The following UIMC1 variants were observed in gnomAD, a reference collection of about 807,000 sequenced individuals.
UIMC1 encodes the protein ubiquitin interaction motif containing 1.
In UIMC1, 42 loss-of-function variants were observed where a neutral mutation model predicts 84.9. The observed-to-expected ratio is 0.49, with a 90% CI of 0.39 to 0.64. The LOEUF is 0.64. Ranked by LOEUF, UIMC1 falls within the 30% of genes least tolerant of loss-of-function variation. The probability of loss-of-function intolerance (pLI) is 0.00; values close to 1 mark genes in which losing one functional copy is unlikely to be tolerated. For synonymous variants in UIMC1, 281 were observed against 293.0 expected (o/e 0.96, Z 0.42); for missense variants, 825 against 847.6 (o/e 0.97, Z 0.33).
At chr5:176,926,933 A>C (rs1202034216) in intron 10 of UIMC1, among the ~76,000 whole-genome samples, 1 of 152,182 alleles carries the variant, frequency 6.6e-6, no homozygotes, top group East Asian at 1.9e-4. Flanking sequence ...AATGATTTTG[A>C]GCAAGTTACT....
intron 1 of UIMC1, among the ~76,000 whole-genome samples, chr5:176,999,584 C>A (rs956375782): frequency 2.6e-5 from 4 of 151,780 alleles, no homozygotes; most frequent in Non-Finnish European, 5.9e-5. Flanking sequence ...TAGTAACCAT[C>A]CTTCTACTAT....
Position 176,941,767 on chromosome 5 carries a change from T to C in UIMC1, c.1597+1568A>G, listed in dbSNP as rs75171645. 4.1e-3 allele frequency among the ~76,000 whole-genome samples: 625 copies of C among 151,956 alleles called. 5 individuals are homozygous for C. Among genetic ancestry groups the C allele is most frequent in the African/African-American group, 0.014 (581 of 41,408 alleles). ...AATCATAAACAGGCCAAATCAGAGGTGGTATTTCAAGGGCTGTGATTAACA... is the reference window on the plus strand; with the variant it reads ...AATCATAAACAGGCCAAATCAGAGGCGGTATTTCAAGGGCTGTGATTAACA... On this transcript the variant is annotated intron_variant, in intron 10 of 14. Transcript: ENST00000511320.
At chr5:176,942,431 G>A (rs1299571867) in intron 10 of UIMC1, among the ~76,000 whole-genome samples, 1 of 152,126 alleles carries the variant, frequency 6.6e-6, no homozygotes, top group African/African-American at 2.4e-5. Flanking sequence ...AAAAGAATAA[G>A]TTAATACGTT....
chr5:177,000,539 TGC>T (rs1774303369), intron 1 of UIMC1, among the ~76,000 whole-genome samples: 1 of 147,816 alleles, frequency 6.8e-6, no homozygotes. Context: ...TCATTCTTAT[TGC>T]CCAGGCTGGA....
intron 13 of UIMC1, among the ~76,000 whole-genome samples, chr5:176,906,846 C>T (rs1759451958): frequency 1.3e-5 from 2 of 152,178 alleles, no homozygotes; most frequent in Admixed American, 1.3e-4. Context: ...GTCGTATTCC[C>T]CTGTGTTTTG....
Position 176,971,656 on chromosome 5 carries a change from C to G in UIMC1, c.233-790G>C, listed in dbSNP as rs572042480. 2.0e-5 allele frequency among the ~76,000 whole-genome samples: 3 copies of G among 152,254 alleles called. No individual in the cohort carries two copies. In the East Asian group the frequency reaches 5.8e-4, roughly 29 times the overall value. On this transcript the variant is annotated intron_variant, in intron 3 of 14. Transcript: ENST00000511320. ...AGGCGTGGTGGCTCACGCCTGTAAT[C>G]CCACCACTGTGGGAGGCCAAGGTGG... is the stretch of plus-strand genomic sequence containing the variant.
intron 1 of UIMC1, among the ~76,000 whole-genome samples, chr5:177,018,966 C>T (rs1334523627): frequency 1.3e-5 from 2 of 152,168 alleles, no homozygotes; most frequent in Non-Finnish European, 2.9e-5. Flanking sequence ...TCCCCTGTAT[C>T]CCTTGGATTA....
chr5:177,004,055 C>T (rs1035408572), intron 1 of UIMC1, among the ~76,000 whole-genome samples: 1 of 152,136 alleles, frequency 6.6e-6, no homozygotes, highest in Non-Finnish European at 1.5e-5. Flanking sequence ...GTCTTGAGCT[C>T]CTGGGTGCAA....
chr5:176,997,466 C>A (rs1300044444), intron 1 of UIMC1, among the ~76,000 whole-genome samples: 1 of 152,044 alleles, frequency 6.6e-6, no homozygotes, highest in Non-Finnish European at 1.5e-5. Context: ...AGGCGGATCA[C>A]AAGGTCAGGA....
intron 1 of UIMC1, among the ~76,000 whole-genome samples, chr5:176,984,474 G>A (rs1444282583): frequency 3.4e-5 from 5 of 145,136 alleles, no homozygotes; most frequent in East Asian, 2.1e-4. Flanking sequence ...TGTGAGGAGC[G>A]CCTCTGCCTG....
At chr5:176,925,839 A>G (rs528264764) in intron 10 of UIMC1, among the ~76,000 whole-genome samples, 2 of 152,206 alleles carry the variant, frequency 1.3e-5, no homozygotes, top group South Asian at 2.1e-4. Flanking sequence ...GTATACGCAT[A>G]TGCCCAAACT....
intron 9 of UIMC1, among the ~76,000 whole-genome samples, chr5:176,950,650 A>T (rs1765755419): frequency 6.6e-6 from 1 of 151,934 alleles, no homozygotes; most frequent in African/African-American, 2.4e-5. Flanking sequence ...TGGGCAGATC[A>T]CTTGAGGTCA....
At chr5:176,910,426 A>AT (rs1200774575) in intron 11 of UIMC1, among the ~76,000 whole-genome samples, 4 of 152,260 alleles carry the variant, frequency 2.6e-5, no homozygotes, top group Admixed American at 1.3e-4. Context: ...AGGGGATCTT[A>AT]TGAGTCAGGC....
intron 1 of UIMC1, among the ~76,000 whole-genome samples, chr5:177,019,155 C>G (rs948850888): frequency 2.6e-5 from 4 of 152,158 alleles, no homozygotes; most frequent in African/African-American, 9.7e-5. Context: ...CTGGTTTTGG[C>G]AAAAGGACAT....
At chr5:177,013,361 AACACACAC>A (rs6149367) in intron 1 of UIMC1, among the ~76,000 whole-genome samples, 30 of 137,822 alleles carry the variant, frequency 2.2e-4, no homozygotes, top group African/African-American at 5.7e-4. Flanking sequence ...ACTGCATCCA[AACACACAC>A]ACACACACAC....
At chr5:177,000,321 C>G (rs955298546) in intron 1 of UIMC1, among the ~76,000 whole-genome samples, 4 of 151,992 alleles carry the variant, frequency 2.6e-5, no homozygotes, top group African/African-American at 9.7e-5. Context: ...ACATTCCCAC[C>G]AACAGTGTAC....
At chr5:176,984,896 T>G (rs1369686184) in intron 1 of UIMC1, among the ~76,000 whole-genome samples, 2 of 152,178 alleles carry the variant, frequency 1.3e-5, no homozygotes, top group Non-Finnish European at 2.9e-5. Flanking sequence ...GAAGGCAGCA[T>G]GCTTGTTAAG....
Position 176,927,399 on chromosome 5 carries a change from G to A in UIMC1, c.1597+15936C>T, listed in dbSNP as rs541473139. Among the ~76,000 whole-genome samples the A allele has an allele frequency of 2.0e-5, 3 of 151,504 alleles. No homozygotes were observed. In the East Asian group the frequency reaches 5.9e-4, roughly 30 times the overall value. ...CTCCCGAGTAGCTGAGATTACAGGT[G>A]TGCAGCACCACACCTGGCTATTTTT... On this transcript the variant is annotated intron_variant, in intron 10 of 14. Coordinates refer to ENST00000511320, the MANE Select transcript of UIMC1 (RefSeq NM_001199298.2).
At chr5:177,019,861 G>C (rs577306166) in intron 1 of UIMC1, among the ~76,000 whole-genome samples, 45 of 152,170 alleles carry the variant, frequency 3.0e-4, no homozygotes, top group Non-Finnish European at 6.2e-4. Context: ...GAACCCAGGA[G>C]GTGGAGGTTG....
Sources: allele counts gnomAD v4.1 joint callset (sites outside exome capture counted in the v4.1 genomes callset), GRCh38; gene constraint gnomAD v4.1.1; transcripts MANE v1.5; gene names NCBI Gene and HGNC (gene_info 2026-07-23, HGNC 2026-07-21).